Variants in GPBP1L1 observed in about 807,000 individuals in gnomAD.
The protein encoded by GPBP1L1 is GC-rich promoter binding protein 1 like 1, also known as vasculin-like protein 1.
In GPBP1L1, 23 loss-of-function variants were observed where a neutral mutation model predicts 52.5. That is an observed-to-expected ratio of 0.44 (90% confidence interval 0.32 to 0.62). The LOEUF is 0.62. Among genes scored for constraint, GPBP1L1 ranks in the 20% least tolerant of loss-of-function variants. The pLI is 0.06. For synonymous variants in GPBP1L1, 243 were observed against 203.1 expected (o/e 1.20, Z -1.67); for missense variants, 596 against 579.3 (o/e 1.03, Z -0.30).
At position 45,634,249 on chromosome 1, in the gene GPBP1L1, A is replaced by G; in HGVS notation, c.745-13T>C. 3 of 1,599,536 alleles carry G rather than the reference A, an allele frequency of 1.9e-6. No homozygotes were observed. The highest frequency in any genetic ancestry group is 2.6e-6 in the Non-Finnish European group (3 of 1,171,578). ...TCCATGCATTAGGCTACACAGGGTG[A>G]AAGAACAAATCAGTCAGAACAAGCA... On this transcript the variant is annotated splice_polypyrimidine_tract_variant and intron_variant, in intron 8 of 12. Transcript: ENST00000355105.
At position 45,654,531 on chromosome 1, in the gene GPBP1L1, A is replaced by G; in HGVS notation, c.477+12T>C. ...TTGGCTTCTAACCACACATCTAAAG[A>G]TTCATACTTACAAAGTCCTCCTCTT... On this transcript the variant is annotated intron_variant, in intron 6 of 12. Coordinates refer to ENST00000355105, the MANE Select transcript of GPBP1L1 (RefSeq NM_021639.5). 6.3e-7 allele frequency: 1 copy of G among 1,599,830 alleles called. No individual in the cohort carries two copies. Among genetic ancestry groups the G allele is most frequent in the Non-Finnish European group, 8.5e-7 (1 of 1,170,254 alleles).
intron 2 of GPBP1L1, among the ~76,000 whole-genome samples, chr1:45,679,428 T>C (rs975977298): frequency 6.6e-6 from 1 of 152,124 alleles, no homozygotes; most frequent in Non-Finnish European, 1.5e-5. Flanking sequence ...TCACTTCTGG[T>C]GCAAGTCCCC....
rs764625171 is a variant in GPBP1L1, at chr1:45,642,647, G to GT, written c.478-149dup. On this transcript the variant is annotated intron_variant, in intron 6 of 12. Transcript: ENST00000355105. ...CTAATTTGACACTGTATTCAGAAAC[G>GT]TAACAAACAGAAAATATCAAAACAC... 21 of 639,126 alleles carry GT rather than the reference G, an allele frequency of 3.3e-5. No homozygotes were observed. In the East Asian group the frequency reaches 4.7e-4, roughly 14 times the overall value. 39.6% of individuals were successfully genotyped at this position (639,126 alleles called of 1,614,324 possible). A position where few individuals can be genotyped will look rare whatever the true frequency, so the allele number is the denominator to read the frequency against.
In GPBP1L1 at chr1:45,680,547, CT is replaced by C. The variant is rs763445325; in HGVS notation, c.-1098+5028del. Among the ~76,000 whole-genome samples, 285 of 149,080 alleles carry C rather than the reference CT, an allele frequency of 1.9e-3. 5 individuals carry two copies. In the East Asian group the frequency reaches 0.048, roughly 25 times the overall value. On this transcript the variant is annotated intron_variant, in intron 2 of 12. Coordinates refer to ENST00000355105, the MANE Select transcript of GPBP1L1 (RefSeq NM_021639.5). Reference sequence around the variant, plus strand: ...AGCCACCATGACCAGCTGAGACATACTTTTTTTTTTTAAAAAGAATCATTTA... The same window carrying C: ...AGCCACCATGACCAGCTGAGACATACTTTTTTTTTTAAAAAGAATCATTTA...
chr1:45,634,304 T>A, intron 8 of GPBP1L1, 68 bp from the exon 9 acceptor site: 1 of 1,454,504 alleles, frequency 6.9e-7, no homozygotes, highest in Non-Finnish European at 9.3e-7. Flanking sequence ...TATAAAATCA[T>A]AAAGCAAAGA....
At chr1:45,629,468 A>G in intron 12 of GPBP1L1, 108 bp downstream of exon 12, 1 of 74,990 alleles carries the variant, frequency 1.3e-5, no homozygotes, top group Admixed American at 1.6e-4. Flanking sequence ...CCCCCCCCCC[A>G]CCCGATCTTT....
In GPBP1L1 at chr1:45,628,226, G is replaced by A. The variant is rs745794836; in HGVS notation, c.*30C>T. 4 of 1,604,036 alleles carry A rather than the reference G, an allele frequency of 2.5e-6. No homozygotes were observed. Among genetic ancestry groups the A allele is most frequent in the East Asian group, 2.2e-5 (1 of 44,842 alleles). Reference sequence around the variant, plus strand: ...CTCCCTAAACACACAGAGTTTACTGGGTCAGATTTAACTGTGAGCATTTAT... The same window carrying A: ...CTCCCTAAACACACAGAGTTTACTGAGTCAGATTTAACTGTGAGCATTTAT... On this transcript the variant is annotated 3_prime_UTR_variant, in exon 13 of 13. Coordinates refer to ENST00000355105, the MANE Select transcript of GPBP1L1 (RefSeq NM_021639.5).
chr1:45,661,946 C>T (rs115985060), intron 2 of GPBP1L1, among the ~76,000 whole-genome samples: 5,416 of 152,166 alleles, frequency 0.036, 128 homozygotes, highest in Non-Finnish European at 0.054. Context: ...TCACCAACTA[C>T]CTATTTGTTT....
At chr1:45,674,941 A>G (rs546257881) in intron 2 of GPBP1L1, among the ~76,000 whole-genome samples, 3 of 152,272 alleles carry the variant, frequency 2.0e-5, no homozygotes, top group Non-Finnish European at 2.9e-5. Context: ...TGTCAATGTA[A>G]TGGTTCTTTA....
chr1:45,667,895 G>A (rs1484111103), intron 2 of GPBP1L1, among the ~76,000 whole-genome samples: 5 of 152,188 alleles, frequency 3.3e-5, no homozygotes, highest in East Asian at 3.9e-4. Context: ...TTACAGGCAT[G>A]TGTGACCTGT....
intron 6 of GPBP1L1, among the ~76,000 whole-genome samples, chr1:45,649,880 T>C (rs568009424): frequency 2.6e-4 from 40 of 152,314 alleles, no homozygotes; most frequent in African/African-American, 8.9e-4. Flanking sequence ...TTTCCCATCA[T>C]AGATTATTTG....
intron 2 of GPBP1L1, among the ~76,000 whole-genome samples, chr1:45,672,350 A>C (rs1645084452): frequency 6.6e-6 from 1 of 152,120 alleles, no homozygotes; most frequent in Non-Finnish European, 1.5e-5. Flanking sequence ...CGACAAAAAA[A>C]AAAAAAAAAG....
At position 45,659,162 on chromosome 1, in the gene GPBP1L1, A is replaced by G. The variant is rs1644918108; in HGVS notation, c.-55-20T>C. ...CAGGATCTGAAAACAAAACAATTCAAATCACTTATGTTTACAAGAATCTGA... is the reference window on the plus strand; with the variant it reads ...CAGGATCTGAAAACAAAACAATTCAGATCACTTATGTTTACAAGAATCTGA... On this transcript the variant is annotated intron_variant, in intron 3 of 12. Coordinates refer to ENST00000355105, the MANE Select transcript of GPBP1L1 (RefSeq NM_021639.5). 1 of 1,377,650 alleles carries G rather than the reference A, an allele frequency of 7.3e-7. No homozygotes were observed. The highest frequency in any genetic ancestry group is 1.0e-6 in the Non-Finnish European group (1 of 968,762). The allele number at this position is 1,377,650 out of a possible 1,614,324, so 85.3% of individuals were successfully genotyped here. A position where few individuals can be genotyped will look rare whatever the true frequency, so the allele number is the denominator to read the frequency against.
intron 8 of GPBP1L1, among the ~76,000 whole-genome samples, chr1:45,638,501 A>G (rs890060776): frequency 6.6e-6 from 1 of 152,186 alleles, no homozygotes; most frequent in Admixed American, 6.5e-5. Context: ...GTGAGAGTTT[A>G]CCATTTTTTT....
chr1:45,628,629 T>C (rs1411211521), intron 12 of GPBP1L1, among the ~76,000 whole-genome samples: 1 of 152,128 alleles, frequency 6.6e-6, no homozygotes, highest in African/African-American at 2.4e-5. Context: ...AGATTCAGAA[T>C]GTCTGGGATG....
At position 45,628,422 on chromosome 1, in the gene GPBP1L1, G is replaced by A. The variant is rs1255404540; in HGVS notation, c.1273-14C>T. ...ATTTCTTCTCAGCTATGGTTAGCAT[G>A]GGAGAGAAAGAAAAAAGAAAAAAAT... On this transcript the variant is annotated splice_polypyrimidine_tract_variant and intron_variant, in intron 12 of 12. Transcript: ENST00000355105. 1.2e-6 allele frequency: 2 copies of A among 1,611,060 alleles called. No homozygotes were observed. Among genetic ancestry groups the A allele is most frequent in the East Asian group, 4.5e-5 (2 of 44,846 alleles).
chr1:45,638,136 T>C (rs1325139257), intron 8 of GPBP1L1, among the ~76,000 whole-genome samples: 3 of 152,256 alleles, frequency 2.0e-5, no homozygotes, highest in South Asian at 4.1e-4. Flanking sequence ...AAGATAACTG[T>C]ACTTGTCAAT....
chr1:45,679,958 G>A (rs1645192889), intron 2 of GPBP1L1, among the ~76,000 whole-genome samples: 1 of 132,810 alleles, frequency 7.5e-6, no homozygotes, highest in Non-Finnish European at 1.6e-5. Context: ...GCAGGGCGGG[G>A]GGTGGGGGCC....
intron 4 of GPBP1L1, among the ~76,000 whole-genome samples, chr1:45,658,066 A>G (rs1455417614): frequency 6.6e-6 from 1 of 152,210 alleles, no homozygotes; most frequent in Admixed American, 6.5e-5. Context: ...ACGTTTTATC[A>G]ATAACTCAGG....
Sources: allele counts gnomAD v4.1 joint callset (sites outside exome capture counted in the v4.1 genomes callset), GRCh38; gene constraint gnomAD v4.1.1; transcripts MANE v1.5; gene names NCBI Gene and HGNC (gene_info 2026-07-23, HGNC 2026-07-21).